ATXN7L1: variants seen among roughly 807,000 people sequenced by gnomAD.
ATXN7L1 encodes the protein ataxin-7-like protein 1.
ATXN7L1 carries 15 observed loss-of-function variants against 70.8 expected under a neutral mutation model. The observed-to-expected ratio is 0.21, with a 90% confidence interval of 0.14 to 0.33. The LOEUF (loss-of-function observed/expected upper bound fraction) is 0.33, where lower values mean the gene tolerates loss of function less well. Among genes scored for constraint, ATXN7L1 ranks in the 10% least tolerant of loss-of-function variants. The probability of loss-of-function intolerance (pLI) is 1.00; values close to 1 mark genes in which losing one functional copy is unlikely to be tolerated. For missense variants in ATXN7L1, 975 were observed against 1,097.1 expected (o/e 0.89, Z 1.57); for synonymous variants, 440 against 445.1 (o/e 0.99, Z 0.14).
At chr7:105,715,126 T>C (rs755471028) in intron 3 of ATXN7L1, among the ~76,000 whole-genome samples, 39 of 152,186 alleles carry the variant, frequency 2.6e-4, no homozygotes, top group Non-Finnish European at 4.1e-4. Flanking sequence ...TAAGTGTAAC[T>C]TGAAGTATAG....
At chr7:105,745,994 C>T (rs2098605712) in intron 3 of ATXN7L1, among the ~76,000 whole-genome samples, 3 of 152,132 alleles carry the variant, frequency 2.0e-5, no homozygotes, top group South Asian at 4.1e-4. Context: ...CCCTGCTTTT[C>T]CCTGTCTCAG....
At chr7:105,660,785 G>T (rs1314913725) in intron 4 of ATXN7L1, among the ~76,000 whole-genome samples, 3 of 151,986 alleles carry the variant, frequency 2.0e-5, no homozygotes, top group African/African-American at 7.3e-5. Flanking sequence ...GTTTCACCAT[G>T]TTGGTCAGGC....
At chr7:105,809,487 A>G (rs1275356317) in intron 2 of ATXN7L1, among the ~76,000 whole-genome samples, 1 of 152,226 alleles carries the variant, frequency 6.6e-6, no homozygotes, top group African/African-American at 2.4e-5. Context: ...CAACTGCCTT[A>G]GATACCTCAT....
rs1741794305 is a variant in ATXN7L1 at position 105,651,510 on chromosome 7, G to A, written c.579-8389C>T. ...CTGGTCCCACCGTGGAAGGAGGGGTGGACAGGGTGGAGGCAGAAGCACCAG... is the reference window on the plus strand; with the variant it reads ...CTGGTCCCACCGTGGAAGGAGGGGTAGACAGGGTGGAGGCAGAAGCACCAG... On this transcript the variant is annotated intron_variant, in intron 4 of 11. Transcript: ENST00000419735. Among the ~76,000 whole-genome samples, 3 of 152,316 alleles carry A rather than the reference G, an allele frequency of 2.0e-5. No individual in the cohort carries two copies. The South Asian group carries it at 6.2e-4, about 32-fold the overall frequency.
chr7:105,872,325 C>T (rs185381489), intron 2 of ATXN7L1, among the ~76,000 whole-genome samples: 43 of 152,256 alleles, frequency 2.8e-4, no homozygotes, highest in African/African-American at 9.6e-4. Flanking sequence ...CATTTCCAGC[C>T]TAACTTCTCT....
chr7:105,632,117 G>A (rs1166908025), intron 7 of ATXN7L1, among the ~76,000 whole-genome samples: 1 of 152,218 alleles, frequency 6.6e-6, no homozygotes. Context: ...TCTTCCAAAT[G>A]TGCATGGTTA....
chr7:105,789,937 G>A lies in ATXN7L1; in HGVS notation c.251-1229C>T, dbSNP rs1275164875. Among the ~76,000 whole-genome samples the A allele has an allele frequency of 2.0e-5, 3 of 151,924 alleles. 1 individual carries two copies. Among genetic ancestry groups the A allele is most frequent in the Admixed American group, 2.0e-4 (3 of 15,250 alleles). On this transcript the variant is annotated intron_variant, in intron 2 of 11. Coordinates refer to ENST00000419735, the MANE Select transcript of ATXN7L1 (RefSeq NM_020725.2). Reference sequence around the variant, plus strand: ...CCAAACACCCACCAATTGACGAGTGGATAAACAAAATACCACAGAACATTA... The same window carrying A: ...CCAAACACCCACCAATTGACGAGTGAATAAACAAAATACCACAGAACATTA...
intron 4 of ATXN7L1, among the ~76,000 whole-genome samples, chr7:105,651,212 C>T (rs1799781558): frequency 6.6e-6 from 1 of 152,154 alleles, no homozygotes. Context: ...GCTGCCCTGC[C>T]TAACTTATCT....
chr7:105,716,910 T>TA (rs1181575447), intron 3 of ATXN7L1, among the ~76,000 whole-genome samples: 1 of 151,830 alleles, frequency 6.6e-6, no homozygotes, highest in Non-Finnish European at 1.5e-5. Context: ...AAAGAAAATT[T>TA]AAAAAATCTA....
intron 3 of ATXN7L1, among the ~76,000 whole-genome samples, chr7:105,743,875 T>C (rs1236765862): frequency 1.3e-5 from 2 of 152,228 alleles, no homozygotes; most frequent in East Asian, 1.9e-4. Flanking sequence ...ACAGCAATCC[T>C]GAACATTAAT....
chr7:105,706,512 G>A (rs566191186), intron 3 of ATXN7L1, among the ~76,000 whole-genome samples: 1 of 152,178 alleles, frequency 6.6e-6, no homozygotes, highest in East Asian at 1.9e-4. Context: ...TTAATTCTGA[G>A]TGTTCTGCTC....
At chr7:105,620,451 A>C (rs1794753486) in intron 8 of ATXN7L1, 130 bp from the exon 9 acceptor site, 2 of 948,336 alleles carry the variant, frequency 2.1e-6, no homozygotes, top group Admixed American at 3.3e-5. Flanking sequence ...ACCGTACTGA[A>C]GCCAAAAATA....
At chr7:105,819,182 C>T (rs570283528) in intron 2 of ATXN7L1, among the ~76,000 whole-genome samples, 20 of 152,104 alleles carry the variant, frequency 1.3e-4, no homozygotes, top group African/African-American at 4.1e-4. Flanking sequence ...TGGTTTCCTA[C>T]CCACTGGATT....
chr7:105,864,709 C>T (rs555942940), intron 2 of ATXN7L1, among the ~76,000 whole-genome samples: 95 of 151,948 alleles, frequency 6.3e-4, no homozygotes, highest in African/African-American at 2.2e-3. Flanking sequence ...TCTCGGCTCA[C>T]TGCAACCTCC....
At chr7:105,801,517 C>T (rs1806816869) in intron 2 of ATXN7L1, among the ~76,000 whole-genome samples, 1 of 152,172 alleles carries the variant, frequency 6.6e-6, no homozygotes, top group Admixed American at 6.5e-5. Flanking sequence ...GTGGAGACAC[C>T]CGCTGATATA....
At chr7:105,760,475 C>T (rs1800396770) in intron 3 of ATXN7L1, 9 of 985,668 alleles carry the variant, frequency 9.1e-6, no homozygotes, top group Non-Finnish European at 1.1e-5. Context: ...TAATGGTACT[C>T]TCCTATATAC....
chr7:105,703,329 G>C (rs1249850807), intron 3 of ATXN7L1, among the ~76,000 whole-genome samples: 4 of 148,166 alleles, frequency 2.7e-5, no homozygotes, highest in African/African-American at 1.0e-4. Context: ...AAGCACTTAA[G>C]TATAACTTGT....
chr7:105,641,949 T>G (rs1431627015), intron 5 of ATXN7L1, among the ~76,000 whole-genome samples: 1 of 152,202 alleles, frequency 6.6e-6, no homozygotes, highest in Non-Finnish European at 1.5e-5. Context: ...CCTTGGGTGC[T>G]TAAAAATCAA....
At chr7:105,716,595 C>G (rs981189082) in intron 3 of ATXN7L1, among the ~76,000 whole-genome samples, 1 of 150,124 alleles carries the variant, frequency 6.7e-6, no homozygotes, top group African/African-American at 2.5e-5. Flanking sequence ...TTTGGGAGAC[C>G]TAGGTGGGCA....
Sources: gnomAD v4.1 joint callset for allele counts (sites outside exome capture counted in the v4.1 genomes callset) on GRCh38, gnomAD v4.1.1 for gene constraint, MANE v1.5 for transcripts, NCBI Gene and HGNC (gene_info 2026-07-23, HGNC 2026-07-21) for gene names.